MINDY4: variants seen among roughly 807,000 people sequenced by gnomAD.
MINDY4 encodes the protein probable ubiquitin carboxyl-terminal hydrolase MINDY-4.
MINDY4 carries 68 observed loss-of-function variants against 87.0 expected under a neutral mutation model. The ratio of observed to expected loss-of-function variants is 0.78; its 90% CI spans 0.64 to 0.96. The LOEUF is 0.96. Ranked by LOEUF, MINDY4 falls within the 40% of genes least tolerant of loss-of-function variation. The pLI, the probability that MINDY4 is intolerant of heterozygous loss-of-function variation, is 0.00. For missense variants in MINDY4, 919 were observed against 928.2 expected, an observed-to-expected ratio of 0.99 and a Z score of 0.13; for synonymous variants, 379 against 363.2, an observed-to-expected ratio of 1.04 and a Z score of -0.50.
rs1787012280 is a variant in MINDY4, at chr7:30,781,712, A to T, written c.184-265A>T. 7 of 436,214 alleles carry T rather than the reference A, an allele frequency of 1.6e-5. No individual in the cohort carries two copies. In the South Asian group the frequency reaches 2.3e-4, roughly 14 times the overall value. The allele number at this position is 436,214 out of a possible 1,614,324, so 27.0% of individuals were successfully genotyped here. ...TTAGGCATGCCTCTATTCCTATCACATTTTATTCTAGTTGTTTATTGAATC... is the reference window on the plus strand; with the variant it reads ...TTAGGCATGCCTCTATTCCTATCACTTTTTATTCTAGTTGTTTATTGAATC... On this transcript the variant is annotated intron_variant, in intron 2 of 17. Transcript: ENST00000265299.
At chr7:30,809,726 A>G (rs1336785745) in intron 5 of MINDY4, among the ~76,000 whole-genome samples, 1 of 152,094 alleles carries the variant, frequency 6.6e-6, no homozygotes, top group Non-Finnish European at 1.5e-5. Flanking sequence ...GGCCTTAGAC[A>G]ATCTAGTCCA....
intron 17 of MINDY4, among the ~76,000 whole-genome samples, chr7:30,884,996 G>T (rs1048668932): frequency 2.0e-5 from 3 of 152,238 alleles, no homozygotes; most frequent in African/African-American, 7.2e-5. Flanking sequence ...AAGCAGAGAG[G>T]CTGCATGATT....
At chr7:30,855,226 T>C (rs774657021) in intron 12 of MINDY4, among the ~76,000 whole-genome samples, 34 of 152,266 alleles carry the variant, frequency 2.2e-4, no homozygotes, top group Non-Finnish European at 4.4e-4. Context: ...ATGGAGCAGT[T>C]ATCAGGTAGC....
intron 6 of MINDY4, among the ~76,000 whole-genome samples, chr7:30,831,464 A>G (rs1020292586): frequency 6.6e-6 from 1 of 152,162 alleles, no homozygotes; most frequent in African/African-American, 2.4e-5. Context: ...AAAGATAAGG[A>G]CATATTCCTG....
intron 15 of MINDY4, 88 bp from the exon 16 acceptor site, chr7:30,882,093 G>A: frequency 2.3e-6 from 3 of 1,299,442 alleles, no homozygotes; most frequent in Non-Finnish European, 3.2e-6. Flanking sequence ...GCCTCTCTGA[G>A]GTCAGCCCTG....
intron 3 of MINDY4, among the ~76,000 whole-genome samples, chr7:30,785,125 C>T (rs543529687): frequency 6.6e-6 from 1 of 151,014 alleles, no homozygotes; most frequent in South Asian, 2.1e-4. Flanking sequence ...GTGCCCAACA[C>T]AGTCTCAGAG....
At chr7:30,834,928 T>C (rs1232000537) in intron 6 of MINDY4, among the ~76,000 whole-genome samples, 2 of 152,198 alleles carry the variant, frequency 1.3e-5, no homozygotes, top group Non-Finnish European at 2.9e-5. Flanking sequence ...TTGTTCATAC[T>C]ACTATCCGCA....
chr7:30,874,737 C>T (rs1790209106), intron 14 of MINDY4, among the ~76,000 whole-genome samples: 1 of 152,200 alleles, frequency 6.6e-6, no homozygotes, highest in African/African-American at 2.4e-5. Context: ...TTGCTGCCTA[C>T]TGAAGTACCT....
At position 30,872,270 on chromosome 7, in the gene MINDY4, C is replaced by G. The variant is rs1790129466; in HGVS notation, c.1773C>G (p.Thr591=). The change falls in exon 14 of 18, where the codon ACC becomes ACG. Residue 591 remains threonine, a synonymous_variant. Transcript: ENST00000265299. ...TCCGCCAGGACTTTGATGTCCCCAC[C>G]AGCCACCTGATTGGAGCACATGGCT... ...ELIRQDFDVP[T]SHLIGAHGYC... is the part of the protein sequence containing the mutation. 1 of 1,614,160 alleles carries G rather than the reference C, an allele frequency of 6.2e-7. No homozygotes were observed. Among genetic ancestry groups the G allele is most frequent in the East Asian group, 2.2e-5 (1 of 44,888 alleles).
intron 4 of MINDY4, among the ~76,000 whole-genome samples, chr7:30,790,587 T>G (rs1017484402): frequency 5.9e-5 from 9 of 151,956 alleles, no homozygotes; most frequent in African/African-American, 2.2e-4. Flanking sequence ...GAGATTACAG[T>G]CATGCACCAC....
chr7:30,822,358 A>G (rs534880509), intron 5 of MINDY4, among the ~76,000 whole-genome samples: 1 of 151,952 alleles, frequency 6.6e-6, no homozygotes, highest in Admixed American at 6.6e-5. Flanking sequence ...TTTAGTAGAG[A>G]CAGGGTTTTG....
chr7:30,778,573 G>A, intron 2 of MINDY4, 22 bp downstream of exon 2: 1 of 1,613,988 alleles, frequency 6.2e-7, no homozygotes, highest in Non-Finnish European at 8.5e-7. Flanking sequence ...CTAAGGTGTG[G>A]TGTGGAGTCT....
At chr7:30,779,110 C>T (rs1786920385) in intron 2 of MINDY4, among the ~76,000 whole-genome samples, 1 of 152,140 alleles carries the variant, frequency 6.6e-6, no homozygotes. Context: ...GACTTGATCT[C>T]CCCCAACCTG....
At chr7:30,848,145 C>T (rs1402917572) in intron 9 of MINDY4, among the ~76,000 whole-genome samples, 1 of 152,214 alleles carries the variant, frequency 6.6e-6, no homozygotes, top group Non-Finnish European at 1.5e-5. Context: ...TCCTTACTTC[C>T]AGATATGGAG....
intron 17 of MINDY4, among the ~76,000 whole-genome samples, chr7:30,887,769 G>A (rs1268334418): frequency 6.6e-6 from 1 of 152,246 alleles, no homozygotes; most frequent in Non-Finnish European, 1.5e-5. Context: ...CCTGGCCTGG[G>A]TGCTGACGGG....
At chr7:30,836,556 A>G in intron 6 of MINDY4, 102 bp from the exon 7 acceptor site, 8 of 953,626 alleles carry the variant, frequency 8.4e-6, no homozygotes, top group Non-Finnish European at 1.3e-5. Context: ...CTTTCACTCA[A>G]ACCTTCTACA....
At chr7:30,888,194 C>T (rs1219642129) in intron 17 of MINDY4, among the ~76,000 whole-genome samples, 1 of 152,164 alleles carries the variant, frequency 6.6e-6, no homozygotes, top group Non-Finnish European at 1.5e-5. Flanking sequence ...CCTTATTTTC[C>T]ACCATGAAGT....
chr7:30,807,999 T>G (rs1208419739), intron 5 of MINDY4, among the ~76,000 whole-genome samples: 3 of 152,212 alleles, frequency 2.0e-5, no homozygotes, highest in Non-Finnish European at 4.4e-5. Context: ...GCTACATTTC[T>G]TGGTTCCCTG....
intron 17 of MINDY4, among the ~76,000 whole-genome samples, chr7:30,890,002 T>C (rs1422540166): frequency 6.6e-6 from 1 of 152,224 alleles, no homozygotes; most frequent in Non-Finnish European, 1.5e-5. Context: ...AGGGTACCTC[T>C]CAGCCTTTCA....
Sources: allele counts gnomAD v4.1 joint callset (sites outside exome capture counted in the v4.1 genomes callset), GRCh38; gene constraint gnomAD v4.1.1; transcripts MANE v1.5; gene names NCBI Gene and HGNC (gene_info 2026-07-23, HGNC 2026-07-21).